KIAA1755: variants seen among roughly 807,000 people sequenced by gnomAD.
KIAA1755 encodes the protein KIAA1755.
Under a neutral mutation model 91.7 loss-of-function variants are expected in KIAA1755, and 68 were observed. The observed-to-expected ratio is 0.74, with a 90% confidence interval of 0.61 to 0.91. KIAA1755 has a LOEUF of 0.91. Ranked by LOEUF, KIAA1755 falls within the 40% of genes least tolerant of loss-of-function variation. The pLI is 0.00. For synonymous variants in KIAA1755, 610 were observed against 604.6 expected (o/e 1.01, Z -0.13); for missense variants, 1,535 against 1,494.4 (o/e 1.03, Z -0.45).
intron 2 of KIAA1755, among the ~76,000 whole-genome samples, chr20:38,245,584 G>C (rs527713651): frequency 1.3e-5 from 2 of 152,352 alleles, no homozygotes; most frequent in South Asian, 4.1e-4. Context: ...TATTTCCACT[G>C]AAGCTGCCTC....
intron 8 of KIAA1755, 50 bp downstream of exon 8, chr20:38,225,615 A>T (rs1397364675): frequency 1.8e-6 from 2 of 1,097,112 alleles, no homozygotes; most frequent in Non-Finnish European, 2.8e-6. Context: ...GAGTGAAGAG[A>T]AGAAGAGAAG....
In KIAA1755 at chr20:38,213,014, G is replaced by T; in HGVS notation, c.*28C>A. The T allele has an allele frequency of 6.6e-7, 1 of 1,511,132 alleles. No homozygotes were observed. The highest frequency in any genetic ancestry group is 8.9e-7 in the Non-Finnish European group (1 of 1,126,460). 93.6% of individuals were successfully genotyped at this position (1,511,132 alleles called of 1,614,324 possible). ...TGGGCCCTGGCCCAGTGCTCCTGGA[G>T]GCTGGTGCGACTGAAGGGGCCTCTC... is the stretch of plus-strand genomic sequence containing the variant. On this transcript the variant is annotated 3_prime_UTR_variant, in exon 14 of 14. Coordinates refer to ENST00000279024, the MANE Select transcript of KIAA1755 (RefSeq NM_001029864.2).
rs535698884 is a variant in KIAA1755 at position 38,231,317 on chromosome 20, C to T, written c.1756G>A (p.Asp586Asn). Reference sequence around the variant, plus strand: ...AGAAGCAGGGGCCGCCCGGCCCTGTCCCGGCCACCTGGAGGACAGAGGGCA... The same window carrying T: ...AGAAGCAGGGGCCGCCCGGCCCTGTTCCGGCCACCTGGAGGACAGAGGGCA... ...SRIACLPGGR[D>N]RAGRPLLLVS... Residue 586 changes from aspartate to asparagine, a missense_variant, in exon 5 of 14, where the codon GAC becomes AAC. Coordinates refer to ENST00000279024, the MANE Select transcript of KIAA1755 (RefSeq NM_001029864.2). 4.0e-5 allele frequency: 64 copies of T among 1,608,394 alleles called. No homozygotes were observed. The African/African-American group carries it at 6.1e-4, about 15-fold the overall frequency.
chr20:38,256,489 G>A (rs1226341494), intron 1 of KIAA1755, among the ~76,000 whole-genome samples: 4 of 152,028 alleles, frequency 2.6e-5, no homozygotes, highest in African/African-American at 9.7e-5. Flanking sequence ...TTGACTTTTT[G>A]TCAATTCTTT....
At chr20:38,229,115 A>G (rs368828724) in intron 5 of KIAA1755, among the ~76,000 whole-genome samples, 1 of 152,212 alleles carries the variant, frequency 6.6e-6, no homozygotes, top group South Asian at 2.1e-4. Context: ...ATTGAAAAAT[A>G]GCCCCCAACT....
At chr20:38,244,659 T>C (rs2076122799) in intron 2 of KIAA1755, among the ~76,000 whole-genome samples, 1 of 152,198 alleles carries the variant, frequency 6.6e-6, no homozygotes, top group African/African-American at 2.4e-5. Flanking sequence ...GTGGTGGGCA[T>C]TTGACGGCTT....
intron 1 of KIAA1755, among the ~76,000 whole-genome samples, chr20:38,257,560 A>C (rs1489951345): frequency 6.7e-6 from 1 of 150,162 alleles, no homozygotes; most frequent in Non-Finnish European, 1.5e-5. Context: ...CAGCCTGGGC[A>C]ATAGAGCGAG....
intron 13 of KIAA1755, among the ~76,000 whole-genome samples, chr20:38,216,447 G>A (rs2075544558): frequency 6.6e-6 from 1 of 152,220 alleles, no homozygotes; most frequent in Non-Finnish European, 1.5e-5. Flanking sequence ...TGACAGCTGG[G>A]AGGCTGGGGT....
chr20:38,244,100 T>C (rs1470573028), intron 2 of KIAA1755, among the ~76,000 whole-genome samples: 1 of 152,154 alleles, frequency 6.6e-6, no homozygotes, highest in Non-Finnish European at 1.5e-5. Flanking sequence ...TACAATTAGA[T>C]TAAACTCACC....
chr20:38,251,818 G>T (rs964767888), intron 1 of KIAA1755, among the ~76,000 whole-genome samples: 1 of 152,030 alleles, frequency 6.6e-6, no homozygotes, highest in African/African-American at 2.4e-5. Flanking sequence ...CGCCCTCCTC[G>T]GCCTCCTGAA....
In KIAA1755 at chr20:38,210,686, C is replaced by T. The variant is rs193026532; in HGVS notation, c.*2356G>A. On this transcript the variant is annotated 3_prime_UTR_variant, in exon 14 of 14. Coordinates refer to ENST00000279024, the MANE Select transcript of KIAA1755 (RefSeq NM_001029864.2). ...TCCCGCCCAAGTATTCTTAGATTACCTGTGCCCGCTTTGCCCCCCTTCCTT... is the reference window on the plus strand; with the variant it reads ...TCCCGCCCAAGTATTCTTAGATTACTTGTGCCCGCTTTGCCCCCCTTCCTT... 6 of 152,348 alleles carry T rather than the reference C, an allele frequency of 3.9e-5. No individual in the cohort carries two copies. Among genetic ancestry groups the T allele is most frequent in the African/African-American group, 1.2e-4 (5 of 41,568 alleles). The allele number at this position is 152,348 out of a possible 1,614,324, so 9.4% of individuals were successfully genotyped here.
intron 4 of KIAA1755, among the ~76,000 whole-genome samples, chr20:38,233,037 G>A (rs563903492): frequency 2.6e-5 from 4 of 151,962 alleles, no homozygotes; most frequent in Admixed American, 6.6e-5. Context: ...TGGGAGAATC[G>A]CTTGAGCCGG....
At chr20:38,245,664 C>A (rs2076145195) in intron 2 of KIAA1755, among the ~76,000 whole-genome samples, 1 of 152,146 alleles carries the variant, frequency 6.6e-6, no homozygotes, top group African/African-American at 2.4e-5. Flanking sequence ...ACCAGGGAGC[C>A]CCCAAGGATG....
At chr20:38,227,790 T>G (rs1337727851) in intron 6 of KIAA1755, among the ~76,000 whole-genome samples, 1 of 152,220 alleles carries the variant, frequency 6.6e-6, no homozygotes, top group Non-Finnish European at 1.5e-5. Context: ...CCATGTGAAG[T>G]CAGAGCTGCT....
chr20:38,247,295 C>T (rs2123284094), intron 1 of KIAA1755, among the ~76,000 whole-genome samples: 2 of 152,334 alleles, frequency 1.3e-5, no homozygotes, highest in Middle Eastern at 6.8e-3. Context: ...GCCCTCCGCC[C>T]CCGCCTCCCC....
At chr20:38,243,360 C>T (rs1425692340) in intron 2 of KIAA1755, among the ~76,000 whole-genome samples, 3 of 152,156 alleles carry the variant, frequency 2.0e-5, no homozygotes, top group South Asian at 4.1e-4. Context: ...TATCCATAAA[C>T]CTTCATGAGT....
At chr20:38,246,241 T>C in intron 1 of KIAA1755, 115 bp from the exon 2 acceptor site, 1 of 809,144 alleles carries the variant, frequency 1.2e-6, no homozygotes, top group Non-Finnish European at 2.0e-6. Context: ...TCTGACCTCC[T>C]CTCCTACCCC....
At chr20:38,250,598 C>CT (rs897682100) in intron 1 of KIAA1755, among the ~76,000 whole-genome samples, 4 of 151,394 alleles carry the variant, frequency 2.6e-5, no homozygotes, top group Non-Finnish European at 1.5e-5. Flanking sequence ...AACAGTTCCC[C>CT]TGTATGGAGA....
At chr20:38,227,126 T>C (rs2075771341) in intron 7 of KIAA1755, 28 bp downstream of exon 7, 1 of 1,588,518 alleles carries the variant, frequency 6.3e-7, no homozygotes, top group African/African-American at 1.3e-5. Context: ...ACTCCCTTCC[T>C]CAACCGCCGA....
Sources: allele counts gnomAD v4.1 joint callset (sites outside exome capture counted in the v4.1 genomes callset), GRCh38; gene constraint gnomAD v4.1.1; transcripts MANE v1.5; gene names NCBI Gene and HGNC (gene_info 2026-07-23, HGNC 2026-07-21).